The following LIN7A variants were observed in gnomAD, a reference collection of about 807,000 sequenced individuals.
LIN7A encodes the protein lin-7 cell polarity scaffold A.
Under a neutral mutation model 29.8 loss-of-function variants are expected in LIN7A, and 25 were observed. That is an observed-to-expected ratio of 0.84 (90% CI 0.61 to 1.17). LIN7A has a LOEUF of 1.17. Ranked by LOEUF, LIN7A falls within the 50% of genes most tolerant of loss-of-function variation. LIN7A has a pLI of 0.00. For synonymous variants in LIN7A, 118 were observed against 107.5 expected, an observed-to-expected ratio of 1.10 and a Z score of -0.60; for missense variants, 239 against 287.0, an observed-to-expected ratio of 0.83 and a Z score of 1.21.
chr12:80,799,900 T>A (rs995297165), intron 5 of LIN7A, among the ~76,000 whole-genome samples: 3 of 152,110 alleles, frequency 2.0e-5, no homozygotes, highest in African/African-American at 7.2e-5. Context: ...TAGTCCCAGC[T>A]ACTTAGGAGA....
At chr12:80,857,137 GT>G (rs1873642026) in intron 2 of LIN7A, among the ~76,000 whole-genome samples, 1 of 152,120 alleles carries the variant, frequency 6.6e-6, no homozygotes, top group Admixed American at 6.6e-5. Context: ...GAGAACTTAG[GT>G]GGGGGTACCT....
At chr12:80,841,026 C>T (rs1872781878) in intron 4 of LIN7A, among the ~76,000 whole-genome samples, 1 of 152,164 alleles carries the variant, frequency 6.6e-6, no homozygotes, top group Non-Finnish European at 1.5e-5. Flanking sequence ...CTTGGTTCTG[C>T]CATCTGGTGC....
intron 1 of LIN7A, among the ~76,000 whole-genome samples, chr12:80,896,817 T>C (rs1013115111): frequency 7.2e-5 from 11 of 152,232 alleles, no homozygotes; most frequent in African/African-American, 2.4e-4. Flanking sequence ...AATCCTGGCA[T>C]TGACTGCTCA....
At position 80,794,768 on chromosome 12, in the gene LIN7A, G is replaced by A. The variant is rs1169483372; in HGVS notation, c.*2959C>T. 6.6e-6 allele frequency: 1 copy of A among 152,128 alleles called. No individual in the cohort carries two copies. The highest frequency in any genetic ancestry group is 2.4e-5 in the African/African-American group (1 of 41,448). The allele number at this position is 152,128 out of a possible 1,614,324, so 9.4% of individuals were successfully genotyped here. A position where few individuals can be genotyped will look rare whatever the true frequency, so the allele number is the denominator to read the frequency against. ...ACTACATGATTGAGGAAACACAAAA[G>A]TCTGTTATTCTTTCCAAAGTCAATT... On this transcript the variant is annotated 3_prime_UTR_variant, in exon 6 of 6. Transcript: ENST00000552864.
chr12:80,929,274 A>T (rs982377075), intron 1 of LIN7A, among the ~76,000 whole-genome samples: 1 of 152,220 alleles, frequency 6.6e-6, no homozygotes, highest in African/African-American at 2.4e-5. Flanking sequence ...AATTTGATTC[A>T]ATCTAATAAA....
At chr12:80,883,822 A>G (rs1328913829) in intron 2 of LIN7A, among the ~76,000 whole-genome samples, 1 of 152,220 alleles carries the variant, frequency 6.6e-6, no homozygotes, top group African/African-American at 2.4e-5. Flanking sequence ...ACACTACTCT[A>G]TGAACTTAGC....
intron 4 of LIN7A, among the ~76,000 whole-genome samples, chr12:80,814,805 T>A (rs1871455780): frequency 6.6e-6 from 1 of 152,184 alleles, no homozygotes; most frequent in African/African-American, 2.4e-5. Flanking sequence ...ATGCTTTATC[T>A]TCAGTTTAGA....
At chr12:80,893,806 T>C (rs377379491) in intron 1 of LIN7A, among the ~76,000 whole-genome samples, 6 of 152,138 alleles carry the variant, frequency 3.9e-5, no homozygotes, top group African/African-American at 1.4e-4. Flanking sequence ...CAGTGCCCAA[T>C]GGAGCCTAAA....
intron 1 of LIN7A, among the ~76,000 whole-genome samples, chr12:80,912,051 T>C (rs1876776280): frequency 6.6e-6 from 1 of 152,210 alleles, no homozygotes; most frequent in South Asian, 2.1e-4. Context: ...GCCTTAGGAA[T>C]TCCTTCTCTT....
At chr12:80,877,852 A>C (rs1298193137) in intron 2 of LIN7A, among the ~76,000 whole-genome samples, 3 of 151,546 alleles carry the variant, frequency 2.0e-5, no homozygotes, top group Non-Finnish European at 4.4e-5. Context: ...AGGTTAAATG[A>C]CTTGTGCACT....
At chr12:80,878,504 G>A (rs777997337) in intron 2 of LIN7A, among the ~76,000 whole-genome samples, 4 of 152,092 alleles carry the variant, frequency 2.6e-5, no homozygotes, top group South Asian at 2.1e-4. Context: ...GGACCTTTGC[G>A]GTGAGTGTGA....
chr12:80,929,779 C>T (rs1194763817), intron 1 of LIN7A, among the ~76,000 whole-genome samples: 1 of 152,030 alleles, frequency 6.6e-6, no homozygotes, highest in Non-Finnish European at 1.5e-5. Flanking sequence ...GGCCAAGAGG[C>T]AACAAATAGA....
chr12:80,929,566 G>A (rs1171909741), intron 1 of LIN7A, among the ~76,000 whole-genome samples: 2 of 152,206 alleles, frequency 1.3e-5, no homozygotes, highest in Admixed American at 6.5e-5. Context: ...TTTTCCACAA[G>A]GTGTCTGTGA....
chr12:80,816,672 G>A (rs533853361), intron 4 of LIN7A, among the ~76,000 whole-genome samples: 1 of 152,304 alleles, frequency 6.6e-6, no homozygotes, highest in Admixed American at 6.5e-5. Flanking sequence ...TGTTTCATCA[G>A]CAACCTCATA....
chr12:80,933,391 C>A (rs1878025497), intron 1 of LIN7A, among the ~76,000 whole-genome samples: 1 of 152,104 alleles, frequency 6.6e-6, no homozygotes, highest in African/African-American at 2.4e-5. Context: ...TATGTATACT[C>A]TTCACTCTCT....
At chr12:80,835,717 T>G (rs963318665) in intron 4 of LIN7A, among the ~76,000 whole-genome samples, 6 of 152,222 alleles carry the variant, frequency 3.9e-5, no homozygotes, top group African/African-American at 1.4e-4. Context: ...ATATTGCTAT[T>G]TTTGCTTTAC....
chr12:80,814,419 T>TTAA (rs3072326), intron 4 of LIN7A, among the ~76,000 whole-genome samples: 54,774 of 151,808 alleles, frequency 0.36, 10,168 homozygotes, highest in Non-Finnish European at 0.42. Flanking sequence ...TGTTTATGTT[T>TTAA]TAATAATGGT....
chr12:80,914,345 T>C (rs565298131), intron 1 of LIN7A, among the ~76,000 whole-genome samples: 1 of 152,286 alleles, frequency 6.6e-6, no homozygotes, highest in South Asian at 2.1e-4. Context: ...GGGAAACCCA[T>C]TATTTTCTAA....
intron 2 of LIN7A, among the ~76,000 whole-genome samples, chr12:80,862,241 G>C (rs1448116764): frequency 2.0e-5 from 3 of 152,120 alleles, no homozygotes; most frequent in African/African-American, 7.2e-5. Flanking sequence ...CAATTTCCAG[G>C]AATCCTTTAA....
Sources: gnomAD v4.1 joint callset for allele counts (sites outside exome capture counted in the v4.1 genomes callset) on GRCh38, gnomAD v4.1.1 for gene constraint, MANE v1.5 for transcripts, NCBI Gene and HGNC (gene_info 2026-07-23, HGNC 2026-07-21) for gene names.